Variants in TRPM7 observed in about 807,000 individuals in gnomAD.
TRPM7 encodes the protein LTRPC ion channel family member 7.
Under a neutral mutation model 229.7 loss-of-function variants are expected in TRPM7, and 134 were observed. The observed-to-expected ratio is 0.58, with a 90% CI of 0.51 to 0.67. TRPM7 has a LOEUF of 0.67. Among genes scored for constraint, TRPM7 ranks in the 30% least tolerant of loss-of-function variants. The pLI, the probability that TRPM7 is intolerant of heterozygous loss-of-function variation, is 0.00. For synonymous variants in TRPM7, 699 were observed against 715.2 expected (o/e 0.98, Z 0.36); for missense variants, 1,901 against 2,210.0 (o/e 0.86, Z 2.80).
At chr15:50,575,963 G>C (rs770276621) in intron 31 of TRPM7, 44 bp from the exon 32 acceptor site, 2 of 1,579,976 alleles carry the variant, frequency 1.3e-6, no homozygotes, top group Non-Finnish European at 1.7e-6. Context: ...AAAAGTACTA[G>C]TACAGCAAAA....
At chr15:50,590,692 C>T (rs1009964940) in intron 26 of TRPM7, among the ~76,000 whole-genome samples, 7 of 152,160 alleles carry the variant, frequency 4.6e-5, no homozygotes, top group Admixed American at 4.6e-4. Context: ...GGTGTGGTGG[C>T]GTGTGCCTGT....
At chr15:50,613,650 G>A in intron 15 of TRPM7, 57 bp downstream of exon 15, 2 of 1,402,452 alleles carry the variant, frequency 1.4e-6, no homozygotes. Context: ...ATAATACTAA[G>A]TAATTTAGAA....
chr15:50,618,275 G>A (rs916664286), intron 13 of TRPM7, among the ~76,000 whole-genome samples: 1 of 152,008 alleles, frequency 6.6e-6, no homozygotes, highest in African/African-American at 2.4e-5. Flanking sequence ...AATACTAGAT[G>A]TTTTTTACTT....
rs755894280 is a variant in TRPM7, at chr15:50,634,475, T to C, written c.914A>G (p.Gln305Arg). 13 of 1,584,662 alleles carry C rather than the reference T, an allele frequency of 8.2e-6. No homozygotes were observed. The highest frequency in any genetic ancestry group is 7.1e-5 in the East Asian group (3 of 42,038). The change falls in exon 8 of 39, where the codon CAG becomes CGG. Residue 305 changes from glutamine (Q) to arginine (R), a missense_variant. Physicochemically the swap from Gln to Arg is conservative, Grantham distance 43 (BLOSUM62 1). Transcript: ENST00000646667. The stretch of plus-strand genomic sequence containing the variant: ...AACTACTGGAACAGGGGGGCTTTCC[T>C]GAAGGTATTCAAGAACTGTGAGGAT... ...NVILTVLEYL[Q>R]ESPPVPVVVC...
intron 1 of TRPM7, among the ~76,000 whole-genome samples, chr15:50,667,918 T>C (rs907756419): frequency 2.6e-5 from 4 of 152,196 alleles, no homozygotes; most frequent in Non-Finnish European, 5.9e-5. Flanking sequence ...AAATATGTTA[T>C]TGGTATGTGT....
chr15:50,686,408 A>C, intron 1 of TRPM7, 123 bp downstream of exon 1: 1 of 1,524,650 alleles, frequency 6.6e-7, no homozygotes, highest in Non-Finnish European at 9.1e-7. Flanking sequence ...GGAAGCCTCA[A>C]GGCAATTCGA....
At chr15:50,638,421 T>C (rs1392775449) in intron 6 of TRPM7, among the ~76,000 whole-genome samples, 2 of 127,206 alleles carry the variant, frequency 1.6e-5, no homozygotes, top group African/African-American at 6.2e-5. Context: ...TAGTGGTGGG[T>C]GCCTGTAATC....
At chr15:50,590,306 C>T (rs1052060293) in intron 26 of TRPM7, among the ~76,000 whole-genome samples, 8 of 151,858 alleles carry the variant, frequency 5.3e-5, no homozygotes, top group Non-Finnish European at 8.8e-5. Context: ...TACATATATA[C>T]GGATAATCAC....
chr15:50,560,821 TG>T lies in TRPM7; in HGVS notation c.*856del, dbSNP rs1164180980. ...AATCAATAAAATCTTTGGAGAAGTT[TG>T]TAAGTTCTGGGTTGTTGCTATAGAT... On this transcript the variant is annotated 3_prime_UTR_variant, in exon 39 of 39. Coordinates refer to ENST00000646667, the MANE Select transcript of TRPM7 (RefSeq NM_017672.6). 2.0e-5 allele frequency: 3 copies of T among 152,622 alleles called. No homozygotes were observed. In the East Asian group the frequency reaches 5.8e-4, roughly 29 times the overall value. 9.5% of individuals were successfully genotyped at this position (152,622 alleles called of 1,614,324 possible).
Position 50,558,062 on chromosome 15 carries a change from T to C in TRPM7, c.*3616A>G, listed in dbSNP as rs2053193419. On this transcript the variant is annotated 3_prime_UTR_variant, in exon 39 of 39. Transcript: ENST00000646667. Reference sequence around the variant, plus strand: ...ACACTTTCACATCATAGGGTAGTAATAATGAACTTTAATAATCTTAAAAAA... The same window carrying C: ...ACACTTTCACATCATAGGGTAGTAACAATGAACTTTAATAATCTTAAAAAA... The C allele has an allele frequency of 6.6e-6, 1 of 152,220 alleles. No individual in the cohort carries two copies. Among genetic ancestry groups the C allele is most frequent in the African/African-American group, 2.4e-5 (1 of 41,454 alleles). 9.4% of individuals were successfully genotyped at this position (152,220 alleles called of 1,614,324 possible). A position where few individuals can be genotyped will look rare whatever the true frequency, so the allele number is the denominator to read the frequency against.
At chr15:50,675,469 C>T (rs1352642892) in intron 1 of TRPM7, among the ~76,000 whole-genome samples, 2 of 152,180 alleles carry the variant, frequency 1.3e-5, no homozygotes, top group Admixed American at 6.5e-5. Flanking sequence ...TCTTCCCACA[C>T]GTAGCATTCT....
intron 36 of TRPM7, 115 bp downstream of exon 36, chr15:50,574,159 A>G: frequency 1.3e-6 from 1 of 797,978 alleles, no homozygotes; most frequent in South Asian, 1.8e-5. Flanking sequence ...GCTTTTTTAT[A>G]GCTTCTATTG....
Position 50,631,611 on chromosome 15 carries a change from G to A in TRPM7, c.1132-122C>T. 3 of 507,808 alleles carry A rather than the reference G, an allele frequency of 5.9e-6. No homozygotes were observed. In the East Asian group the frequency reaches 8.9e-5, roughly 15 times the overall value. 31.5% of individuals were successfully genotyped at this position (507,808 alleles called of 1,614,324 possible). A position where few individuals can be genotyped will look rare whatever the true frequency, so the allele number is the denominator to read the frequency against. On this transcript the variant is annotated intron_variant, in intron 9 of 38. Coordinates refer to ENST00000646667, the MANE Select transcript of TRPM7 (RefSeq NM_017672.6). ...TATATGTATGTATCTAGGAATCTATGTATTATGTATATATAAACATACATA... is the reference window on the plus strand; with the variant it reads ...TATATGTATGTATCTAGGAATCTATATATTATGTATATATAAACATACATA...
At chr15:50,672,341 C>A (rs1005469313) in intron 1 of TRPM7, among the ~76,000 whole-genome samples, 2 of 151,810 alleles carry the variant, frequency 1.3e-5, no homozygotes, top group African/African-American at 4.8e-5. Flanking sequence ...CAGGCGTGAG[C>A]CACCTCGCCC....
chr15:50,574,790 T>A, intron 34 of TRPM7, 62 bp downstream of exon 34: 1 of 1,588,058 alleles, frequency 6.3e-7, no homozygotes, highest in Non-Finnish European at 8.6e-7. Flanking sequence ...TTATTGATAT[T>A]TCAGAAGTTA....
intron 11 of TRPM7, among the ~76,000 whole-genome samples, chr15:50,625,117 G>T (rs1013331900): frequency 6.6e-6 from 1 of 151,996 alleles, no homozygotes. Context: ...TGAAATATAG[G>T]TATTTCACTG....
intron 3 of TRPM7, among the ~76,000 whole-genome samples, chr15:50,653,483 G>A (rs2061477941): frequency 6.6e-6 from 1 of 152,018 alleles, no homozygotes; most frequent in Admixed American, 6.6e-5. Context: ...GGAGATTCCT[G>A]ACATAAATGT....
chr15:50,640,069 C>T (rs1280924441), intron 5 of TRPM7, among the ~76,000 whole-genome samples: 1 of 151,990 alleles, frequency 6.6e-6, no homozygotes, highest in Non-Finnish European at 1.5e-5. Flanking sequence ...TGGTCTAGTC[C>T]GTTTTTGCAT....
intron 1 of TRPM7, among the ~76,000 whole-genome samples, chr15:50,678,338 G>A (rs1349532958): frequency 1.3e-5 from 2 of 150,732 alleles, no homozygotes; most frequent in African/African-American, 4.9e-5. Context: ...CAACATGCCT[G>A]CCAAGGGTGA....
Sources: allele counts gnomAD v4.1 joint callset (sites outside exome capture counted in the v4.1 genomes callset), GRCh38; gene constraint gnomAD v4.1.1; transcripts MANE v1.5; gene names NCBI Gene and HGNC (gene_info 2026-07-23, HGNC 2026-07-21).